Variants in GABRP observed in about 807,000 individuals in gnomAD.
GABRP encodes gamma-aminobutyric acid receptor subunit pi.
GABRP carries 52 observed loss-of-function variants against 47.8 expected under a neutral mutation model. The ratio of observed to expected loss-of-function variants is 1.09; its 90% CI spans 0.87 to 1.37. GABRP has a LOEUF of 1.37. Among genes scored for constraint, GABRP ranks in the 40% most tolerant of loss-of-function variants. The probability of loss-of-function intolerance (pLI) is 0.00; values close to 1 mark genes in which losing one functional copy is unlikely to be tolerated. For missense variants in GABRP, 525 were observed against 542.8 expected (o/e 0.97, Z 0.33); for synonymous variants, 221 against 205.8 (o/e 1.07, Z -0.63).
At chr5:170,790,498 C>T (rs4868029) in intron 3 of GABRP, among the ~76,000 whole-genome samples, 55,686 of 151,934 alleles carry the variant, frequency 0.37, 10,618 homozygotes, top group East Asian at 0.51. Context: ...CCAGATCCTC[C>T]GGGCAGCAGA....
rs141823841 is a variant in GABRP at position 170,800,888 on chromosome 5, G to T, written c.541+3340G>T. Among the ~76,000 whole-genome samples the T allele has an allele frequency of 4.2e-3, 639 of 152,336 alleles. 6 individuals carry two copies. The highest frequency in any genetic ancestry group is 0.015 in the African/African-American group (610 of 41,570). ...TTGAACCCAGGAGGTGGAGGTTGCA[G>T]TGAGCAAAGATTGTGCCATTGCACT... is the stretch of plus-strand genomic sequence containing the variant. On this transcript the variant is annotated intron_variant, in intron 6 of 9. Coordinates refer to ENST00000265294, the MANE Select transcript of GABRP (RefSeq NM_014211.3).
intron 6 of GABRP, among the ~76,000 whole-genome samples, chr5:170,805,374 G>T (rs1765702400): frequency 6.6e-6 from 1 of 152,092 alleles, no homozygotes; most frequent in South Asian, 2.1e-4. Context: ...ATACAATCTT[G>T]AAAGGCAGTA....
intron 3 of GABRP, among the ~76,000 whole-genome samples, chr5:170,791,075 C>A (rs1765252619): frequency 6.6e-6 from 1 of 152,208 alleles, no homozygotes; most frequent in Non-Finnish European, 1.5e-5. Context: ...TCAACAATTT[C>A]TCTTGCCTCC....
chr5:170,810,144 T>G, intron 9 of GABRP: 1 of 483,292 alleles, frequency 2.1e-6, no homozygotes, highest in East Asian at 3.2e-5. Context: ...CCTTAAATTA[T>G]ACAAGTAATG....
chr5:170,806,291 C>T (rs183178770), intron 7 of GABRP, among the ~76,000 whole-genome samples: 1 of 152,242 alleles, frequency 6.6e-6, no homozygotes, highest in Non-Finnish European at 1.5e-5. Flanking sequence ...ATTTCATTTA[C>T]CAGAAATGCA....
chr5:170,784,787 G>A (rs1221927524), intron 1 of GABRP, among the ~76,000 whole-genome samples: 1 of 152,202 alleles, frequency 6.6e-6, no homozygotes, highest in Admixed American at 6.5e-5. Flanking sequence ...GAGGTTAAAT[G>A]ACTCGGGTGT....
chr5:170,793,803 A>T (rs1012303372), intron 3 of GABRP, among the ~76,000 whole-genome samples: 4 of 152,172 alleles, frequency 2.6e-5, no homozygotes, highest in African/African-American at 9.7e-5. Context: ...TTGGTGGCAC[A>T]TGCCTGTAAT....
rs1581611813 is a variant in GABRP at position 170,812,518 on chromosome 5, G to T, written c.*260G>T. ...TCAAGGACATTCCCATGGAGCCCAA[G>T]ATTACAAATGTACTCAGGGCTGTTT... On this transcript the variant is annotated 3_prime_UTR_variant, in exon 10 of 10. Transcript: ENST00000265294. The T allele has an allele frequency of 4.7e-6, 2 of 424,642 alleles. No individual in the cohort carries two copies. Among genetic ancestry groups the T allele is most frequent in the East Asian group, 8.2e-5 (2 of 24,344 alleles). The allele number at this position is 424,642 out of a possible 1,614,324, so 26.3% of individuals were successfully genotyped here. A position where few individuals can be genotyped will look rare whatever the true frequency, so the allele number is the denominator to read the frequency against.
chr5:170,798,487 T>A (rs1259643603), intron 6 of GABRP, among the ~76,000 whole-genome samples: 1 of 152,168 alleles, frequency 6.6e-6, no homozygotes, highest in Non-Finnish European at 1.5e-5. Flanking sequence ...AACATTTCGG[T>A]GACAACAAAT....
rs773277344 is a variant in GABRP, at chr5:170,795,232, C to T, written c.265C>T (p.Arg89Ter). 1.2e-5 allele frequency: 20 copies of T among 1,613,360 alleles called. No individual in the cohort carries two copies. The Admixed American group carries it at 1.3e-4, about 11-fold the overall frequency. The change falls in exon 5 of 10, where the codon CGA (arginine) becomes TGA (stop). Residue 89 changes from arginine (R) to a stop codon, truncating the protein, a stop_gained. Transcript: ENST00000265294. LOFTEE classifies it high-confidence loss of function. ...GGACTACACAGCCACCATATACCTC[C>T]GACAGCGCTGGATGGACCAGCGGCT... The part of the protein sequence containing the change: ...NMDYTATIYL[R>*]QRWMDQRLVF...
intron 4 of GABRP, chr5:170,794,513 C>T (rs573842413): frequency 2.7e-6 from 1 of 370,628 alleles, no homozygotes; most frequent in South Asian, 9.5e-5. Flanking sequence ...ATGGAAGATT[C>T]TTGTAGAGCA....
intron 9 of GABRP, chr5:170,810,183 G>T (rs1426631897): frequency 4.5e-6 from 2 of 446,326 alleles, no homozygotes; most frequent in Non-Finnish European, 7.8e-6. Context: ...GGAAATATTA[G>T]ATTGTGACAA....
intron 6 of GABRP, among the ~76,000 whole-genome samples, chr5:170,800,641 A>C (rs1765567261): frequency 6.6e-6 from 1 of 152,176 alleles, no homozygotes; most frequent in Non-Finnish European, 1.5e-5. Context: ...TAACAATAAT[A>C]GTAATAATAA....
upstream of GABRP, among the ~76,000 whole-genome samples, chr5:170,783,091 G>T (rs1175022088): frequency 6.6e-6 from 1 of 152,156 alleles, no homozygotes; most frequent in African/African-American, 2.4e-5. Context: ...GTGAGAGCAG[G>T]ATGGGGGAAG....
At chr5:170,786,976 G>A (rs1765145867) in intron 1 of GABRP, among the ~76,000 whole-genome samples, 1 of 152,014 alleles carries the variant, frequency 6.6e-6, no homozygotes, top group Admixed American at 6.6e-5. Flanking sequence ...AATGGGGGGG[G>A]ACTTTTTTGT....
chr5:170,792,160 A>G (rs916794674), intron 3 of GABRP, among the ~76,000 whole-genome samples: 1 of 152,212 alleles, frequency 6.6e-6, no homozygotes, highest in African/African-American at 2.4e-5. Flanking sequence ...ACTGTAGCAT[A>G]GGCCAAGCGC....
rs573002708 is a variant in GABRP at position 170,805,621 on chromosome 5, A to G, written c.542-95A>G. On this transcript the variant is annotated intron_variant, in intron 6 of 9. Transcript: ENST00000265294. ...CTTGGACTTATCACTATGAAGAAAGAACTCATGCTGTCTCCATATTATAGC... is the reference window on the plus strand; with the variant it reads ...CTTGGACTTATCACTATGAAGAAAGGACTCATGCTGTCTCCATATTATAGC... 5 of 1,350,734 alleles carry G rather than the reference A, an allele frequency of 3.7e-6. No homozygotes were observed. The African/African-American group carries it at 5.8e-5, about 16-fold the overall frequency. The allele number at this position is 1,350,734 out of a possible 1,614,324, so 83.7% of individuals were successfully genotyped here.
intron 4 of GABRP, among the ~76,000 whole-genome samples, chr5:170,794,687 C>T (rs917484603): frequency 2.6e-5 from 4 of 151,986 alleles, no homozygotes; most frequent in Admixed American, 2.0e-4. Flanking sequence ...GGAGACAACC[C>T]GAGGAAAACT....
At chr5:170,800,485 C>T (rs973861588) in intron 6 of GABRP, among the ~76,000 whole-genome samples, 7 of 152,004 alleles carry the variant, frequency 4.6e-5, no homozygotes. Flanking sequence ...GTGCAAAGCA[C>T]TGTGATAATA....
Sources: allele counts gnomAD v4.1 joint callset (sites outside exome capture counted in the v4.1 genomes callset), GRCh38; gene constraint gnomAD v4.1.1; transcripts MANE v1.5; gene names NCBI Gene and HGNC (gene_info 2026-07-23, HGNC 2026-07-21).